Variants in SNAP25 observed in about 807,000 individuals in gnomAD.
SNAP25 encodes the protein synaptosome associated protein 25, also known as synaptosomal-associated protein 25.
Under a neutral mutation model 28.7 loss-of-function variants are expected in SNAP25, and 3 were observed. The ratio of observed to expected loss-of-function variants is 0.10; its 90% CI spans 0.05 to 0.27. The LOEUF is 0.27. Among genes scored for constraint, SNAP25 ranks in the 10% least tolerant of loss-of-function variants. The pLI, the probability that SNAP25 is intolerant of heterozygous loss-of-function variation, is 1.00. For missense variants in SNAP25, 117 were observed against 278.7 expected (o/e 0.42, Z 4.13); for synonymous variants, 61 against 88.1 (o/e 0.69, Z 1.72).
intron 1 of SNAP25, among the ~76,000 whole-genome samples, chr20:10,255,879 TAAC>T (rs1192567173): frequency 1.3e-5 from 2 of 152,092 alleles, no homozygotes; most frequent in African/African-American, 4.8e-5. Context: ...AAATGCATAA[TAAC>T]AAAACTTACA....
intron 2 of SNAP25, 48 bp from the exon 3 acceptor site, chr20:10,277,637 G>A: frequency 1.3e-6 from 2 of 1,523,646 alleles, no homozygotes; most frequent in Non-Finnish European, 1.8e-6. Flanking sequence ...CAAGATCTCT[G>A]GATCCTGCAC....
chr20:10,274,244 C>A (rs2063647748), intron 1 of SNAP25, among the ~76,000 whole-genome samples: 1 of 152,094 alleles, frequency 6.6e-6, no homozygotes, highest in African/African-American at 2.4e-5. Context: ...GACTGGTCAC[C>A]TTTCAGGACC....
At chr20:10,278,738 A>G (rs2063731664) in intron 3 of SNAP25, among the ~76,000 whole-genome samples, 1 of 151,972 alleles carries the variant, frequency 6.6e-6, no homozygotes, top group Non-Finnish European at 1.5e-5. Context: ...AGAAAAGATA[A>G]ATTTTACAAA....
intron 1 of SNAP25, among the ~76,000 whole-genome samples, chr20:10,240,567 G>A (rs866743368): frequency 3.3e-5 from 5 of 152,158 alleles, no homozygotes; most frequent in Admixed American, 6.5e-5. Flanking sequence ...CCAGGAAAGC[G>A]TGATCCTGCT....
chr20:10,258,174 T>C (rs2063353643), intron 1 of SNAP25, among the ~76,000 whole-genome samples: 1 of 152,196 alleles, frequency 6.6e-6, no homozygotes, highest in South Asian at 2.1e-4. Context: ...GAAATTTAAA[T>C]GATTCCTGTG....
intron 1 of SNAP25, among the ~76,000 whole-genome samples, chr20:10,229,527 G>C (rs6039777): frequency 6.6e-6 from 1 of 152,068 alleles, no homozygotes; most frequent in South Asian, 2.1e-4. Flanking sequence ...TTTTCTTTAA[G>C]GTTGGAAAAG....
At chr20:10,267,757 G>A (rs1157440389) in intron 1 of SNAP25, among the ~76,000 whole-genome samples, 1 of 152,142 alleles carries the variant, frequency 6.6e-6, no homozygotes, top group African/African-American at 2.4e-5. Context: ...TCACCCTGTT[G>A]GCCAGGATGG....
intron 1 of SNAP25, among the ~76,000 whole-genome samples, chr20:10,252,931 G>C (rs1203844605): frequency 6.6e-6 from 1 of 151,980 alleles, no homozygotes; most frequent in Non-Finnish European, 1.5e-5. Context: ...AAAAAAAAGG[G>C]AGATAATAAT....
At chr20:10,248,056 T>G (rs1367971419) in intron 1 of SNAP25, among the ~76,000 whole-genome samples, 1 of 152,190 alleles carries the variant, frequency 6.6e-6, no homozygotes, top group Non-Finnish European at 1.5e-5. Flanking sequence ...ACCTAATGGT[T>G]GCATGGATAC....
intron 3 of SNAP25, among the ~76,000 whole-genome samples, chr20:10,282,253 G>A (rs919488574): frequency 6.6e-6 from 1 of 151,890 alleles, no homozygotes; most frequent in African/African-American, 2.4e-5. Flanking sequence ...AAAGTAAAAA[G>A]GAGCCTGTGA....
chr20:10,224,199 C>G (rs1196669383), intron 1 of SNAP25, among the ~76,000 whole-genome samples: 1 of 145,508 alleles, frequency 6.9e-6, no homozygotes, highest in Non-Finnish European at 1.5e-5. Flanking sequence ...TTTATGCTAC[C>G]TCTTGCATCA....
rs2063840227 is a variant in SNAP25 at position 10,284,604 on chromosome 20, T to C, written c.115-120T>C. 3.8e-6 allele frequency: 3 copies of C among 787,208 alleles called. No homozygotes were observed. The South Asian group carries it at 4.4e-5, about 12-fold the overall frequency. 48.8% of individuals were successfully genotyped at this position (787,208 alleles called of 1,614,324 possible). ...GGGCTCTTGTCATACTTTCTCCCTT[T>C]TTTCTTTTGGTCCTTCTTCATTTTC... On this transcript the variant is annotated intron_variant, in intron 3 of 7. Transcript: ENST00000254976.
intron 1 of SNAP25, among the ~76,000 whole-genome samples, chr20:10,272,600 G>GGAAATAAA: frequency 6.6e-6 from 1 of 152,288 alleles, no homozygotes; most frequent in African/African-American, 2.4e-5. Flanking sequence ...ATGGAGACAT[G>GGAAATAAA]GAAATAAAGT....
Position 10,231,269 on chromosome 20 carries a change from C to A in SNAP25, c.-64+12292C>A, listed in dbSNP as rs2062824437. On this transcript the variant is annotated intron_variant, in intron 1 of 7. Coordinates refer to ENST00000254976, the MANE Select transcript of SNAP25 (RefSeq NM_130811.4). Reference sequence around the variant, plus strand: ...TACCAATTGCCCTTGGGAAAAGGATCCTGATGTCTTACATTGCCCTTTTTT... The same window carrying A: ...TACCAATTGCCCTTGGGAAAAGGATACTGATGTCTTACATTGCCCTTTTTT... Among the ~76,000 whole-genome samples, 4 of 152,150 alleles carry A rather than the reference C, an allele frequency of 2.6e-5. No individual in the cohort carries two copies. The South Asian group carries it at 8.3e-4, about 32-fold the overall frequency.
At chr20:10,237,893 T>C (rs1485467852) in intron 1 of SNAP25, among the ~76,000 whole-genome samples, 1 of 152,184 alleles carries the variant, frequency 6.6e-6, no homozygotes, top group Non-Finnish European at 1.5e-5. Flanking sequence ...CCCAGCCATG[T>C]CCAGCCCCCA....
intron 1 of SNAP25, among the ~76,000 whole-genome samples, chr20:10,233,505 A>T (rs1302603604): frequency 1.3e-5 from 2 of 152,088 alleles, no homozygotes; most frequent in Non-Finnish European, 2.9e-5. Flanking sequence ...ACCAAAACCC[A>T]TCGTTCCATC....
intron 7 of SNAP25, among the ~76,000 whole-genome samples, chr20:10,299,964 A>G (rs1336720580): frequency 6.6e-6 from 1 of 152,248 alleles, no homozygotes; most frequent in Non-Finnish European, 1.5e-5. Flanking sequence ...TAGTCAGTAT[A>G]GCCAGGACAT....
chr20:10,256,465 A>G (rs2063320592), intron 1 of SNAP25, among the ~76,000 whole-genome samples: 1 of 152,226 alleles, frequency 6.6e-6, no homozygotes, highest in African/African-American at 2.4e-5. Flanking sequence ...ATGACCACTG[A>G]GAAAACTAGA....
chr20:10,251,059 G>A (rs1248855392), intron 1 of SNAP25, among the ~76,000 whole-genome samples: 1 of 152,134 alleles, frequency 6.6e-6, no homozygotes, highest in Non-Finnish European at 1.5e-5. Flanking sequence ...ACGCATGACT[G>A]TATACTCCAA....
Sources: allele counts gnomAD v4.1 joint callset (sites outside exome capture counted in the v4.1 genomes callset), GRCh38; gene constraint gnomAD v4.1.1; transcripts MANE v1.5; gene names NCBI Gene and HGNC (gene_info 2026-07-23, HGNC 2026-07-21).